The following FARS2 variants were observed in gnomAD, a reference collection of about 807,000 sequenced individuals.
The protein encoded by FARS2 is phenylalanine--tRNA ligase, mitochondrial.
In FARS2, 40 loss-of-function variants were observed where a neutral mutation model predicts 46.4. The ratio of observed to expected loss-of-function variants is 0.86; its 90% CI spans 0.67 to 1.12. FARS2 has a LOEUF of 1.12. Ranked by LOEUF, FARS2 falls within the 50% of genes most tolerant of loss-of-function variation. FARS2 has a pLI of 0.00. For synonymous variants in FARS2, 234 were observed against 214.9 expected, an observed-to-expected ratio of 1.09 and a Z score of -0.78; for missense variants, 513 against 567.9, an observed-to-expected ratio of 0.90 and a Z score of 0.98.
intron 5 of FARS2, among the ~76,000 whole-genome samples, chr6:5,587,162 T>G (rs1442572843): frequency 6.6e-6 from 1 of 152,242 alleles, no homozygotes; most frequent in South Asian, 2.1e-4. Flanking sequence ...CCTAATTTTC[T>G]TCATCTATAA....
intron 6 of FARS2, among the ~76,000 whole-genome samples, chr6:5,667,240 C>T (rs888599115): frequency 2.2e-4 from 34 of 152,284 alleles, no homozygotes; most frequent in Middle Eastern, 3.4e-3. Flanking sequence ...TTAAATTTGG[C>T]TGGGCACAGT....
At chr6:5,686,350 CGCTG>C (rs1757216527) in intron 6 of FARS2, among the ~76,000 whole-genome samples, 1 of 148,486 alleles carries the variant, frequency 6.7e-6, no homozygotes, top group African/African-American at 2.6e-5. Flanking sequence ...TCTCCCCCCC[CGCTG>C]CCCACACCAC....
chr6:5,690,609 T>G (rs1275823882), intron 6 of FARS2, among the ~76,000 whole-genome samples: 1 of 151,738 alleles, frequency 6.6e-6, no homozygotes, highest in Non-Finnish European at 1.5e-5. Flanking sequence ...AACCCGACCT[T>G]TCTCTCTGGC....
At chr6:5,279,923 C>T (rs1485731315) in intron 1 of FARS2, among the ~76,000 whole-genome samples, 1 of 152,240 alleles carries the variant, frequency 6.6e-6, no homozygotes, top group African/African-American at 2.4e-5. Context: ...CTCATAGACA[C>T]ACCACATAAT....
intron 5 of FARS2, among the ~76,000 whole-genome samples, chr6:5,545,838 G>A (rs1329962166): frequency 2.0e-5 from 3 of 152,100 alleles, no homozygotes; most frequent in Admixed American, 2.0e-4. Flanking sequence ...AATTTGTAAA[G>A]AAGTTCTGGC....
intron 1 of FARS2, among the ~76,000 whole-genome samples, chr6:5,341,219 ATATATATATATATATATTTTT>A (rs1356067829): frequency 2.8e-3 from 14 of 4,994 alleles, no homozygotes; most frequent in African/African-American, 7.0e-3. Context: ...ATATATATAT[ATATATATATATATATATTTTT>A]TTTTTTTTTT....
intron 5 of FARS2, among the ~76,000 whole-genome samples, chr6:5,585,171 T>G (rs2150589276): frequency 6.6e-6 from 1 of 152,280 alleles, no homozygotes; most frequent in African/African-American, 2.4e-5. Context: ...GGTTTTTATT[T>G]TAAAATATTT....
At chr6:5,446,492 A>G (rs1211566550) in intron 4 of FARS2, among the ~76,000 whole-genome samples, 1 of 152,132 alleles carries the variant, frequency 6.6e-6, no homozygotes, top group East Asian at 1.9e-4. Context: ...AACCATACCC[A>G]CATCATATGG....
intron 4 of FARS2, among the ~76,000 whole-genome samples, chr6:5,509,499 A>G (rs575759140): frequency 6.6e-6 from 1 of 152,284 alleles, no homozygotes; most frequent in South Asian, 2.1e-4. Flanking sequence ...GGTTTTTACA[A>G]TTCCAGTGCA....
At position 5,769,023 on chromosome 6, in the gene FARS2, C is replaced by T. The variant is rs147054911; in HGVS notation, c.1218-2268C>T. 6.3e-3 allele frequency among the ~76,000 whole-genome samples: 950 copies of T among 151,960 alleles called. 5 individuals are homozygous for T. Among genetic ancestry groups the T allele is most frequent in the Non-Finnish European group, 9.5e-3 (649 of 67,998 alleles). On this transcript the variant is annotated intron_variant, in intron 6 of 6. Transcript: ENST00000274680. ...ATTTTTTTTAATTTTTTCACCTGTG[C>T]TTTTGGTGTCATCTAAGGAGGTTTT...
At chr6:5,273,435 A>G (rs2127832702) in intron 1 of FARS2, among the ~76,000 whole-genome samples, 1 of 152,058 alleles carries the variant, frequency 6.6e-6, no homozygotes, top group South Asian at 2.1e-4. Flanking sequence ...AGCATTTTTC[A>G]TGTATCTACT....
At chr6:5,305,075 A>G (rs1768601082) in intron 1 of FARS2, among the ~76,000 whole-genome samples, 1 of 152,180 alleles carries the variant, frequency 6.6e-6, no homozygotes, top group African/African-American at 2.4e-5. Context: ...CCTGGTGAGG[A>G]CAGTCTTTTG....
At chr6:5,255,653 T>C in the FARS2 span, among the ~76,000 whole-genome samples, 3 of 152,166 alleles carry the variant, frequency 2.0e-5, no homozygotes, top group Non-Finnish European at 2.9e-5. Flanking sequence ...AGCCAACTAC[T>C]TCAATTTTGA....
chr6:5,553,011 G>A (rs539564224), intron 5 of FARS2, among the ~76,000 whole-genome samples: 6 of 152,246 alleles, frequency 3.9e-5, no homozygotes, highest in East Asian at 1.9e-4. Context: ...TACACAGAGC[G>A]ATACTTATTG....
At chr6:5,475,120 G>A (rs954605020) in intron 4 of FARS2, among the ~76,000 whole-genome samples, 2 of 152,320 alleles carry the variant, frequency 1.3e-5, no homozygotes, top group East Asian at 1.9e-4. Context: ...GGATATGATT[G>A]TTTGCAGATA....
chr6:5,385,684 A>G (rs2875989), intron 2 of FARS2, among the ~76,000 whole-genome samples: 2 of 151,972 alleles, frequency 1.3e-5, no homozygotes, highest in Admixed American at 1.3e-4. Flanking sequence ...TTGGCCTCCT[A>G]AAGTGCTGGG....
chr6:5,363,964 C>T (rs749910796), intron 1 of FARS2, among the ~76,000 whole-genome samples: 9 of 152,204 alleles, frequency 5.9e-5, no homozygotes, highest in Non-Finnish European at 1.0e-4. Context: ...TAATATAACT[C>T]GAATTGCCTT....
intron 1 of FARS2, among the ~76,000 whole-genome samples, chr6:5,280,179 A>T (rs1766623282): frequency 6.6e-6 from 1 of 152,236 alleles, no homozygotes; most frequent in Admixed American, 6.5e-5. Context: ...TGCCCTTGGC[A>T]TAAATAATGA....
intron 3 of FARS2, among the ~76,000 whole-genome samples, chr6:5,412,881 C>T (rs1183053059): frequency 2.8e-5 from 4 of 142,774 alleles, no homozygotes; most frequent in Non-Finnish European, 4.6e-5. Context: ...TGTCTGTACT[C>T]GCCTCGCCGT....
Sources: allele counts gnomAD v4.1 joint callset (sites outside exome capture counted in the v4.1 genomes callset), GRCh38; gene constraint gnomAD v4.1.1; transcripts MANE v1.5; gene names NCBI Gene and HGNC (gene_info 2026-07-23, HGNC 2026-07-21).